Variants in ENTREP3 observed in about 807,000 individuals in gnomAD.
ENTREP3 encodes endosomal transmembrane epsin interactor 3.
the ENTREP3 span, chr1:155,254,104 C>A: frequency 6.2e-7 from 1 of 1,614,116 alleles, no homozygotes; most frequent in Non-Finnish European, 8.5e-7. The surrounding 1 kb of genome is among the most constrained non-coding windows in gnomAD (Gnocchi z 4.4). Flanking sequence ...TGTTGGAAGT[C>A]TCGGGCCAGT....
the ENTREP3 span, chr1:155,250,484 G>C: frequency 6.7e-7 from 1 of 1,484,590 alleles, no homozygotes. The surrounding 1 kb of genome is among the most constrained non-coding windows in gnomAD (Gnocchi z 5.4). Context: ...CGGGGAAGCA[G>C]GGTCCCACCC....
the ENTREP3 span, chr1:155,251,871 C>T: frequency 6.7e-7 from 1 of 1,499,890 alleles, no homozygotes; most frequent in Non-Finnish European, 8.9e-7. Context: ...GCCCAGAGGT[C>T]CCAGTGGGCC....
chr1:155,254,052 G>C, the ENTREP3 span: 1 of 1,613,752 alleles, frequency 6.2e-7, no homozygotes, highest in Non-Finnish European at 8.5e-7. The surrounding 1 kb of genome is among the most constrained non-coding windows in gnomAD (Gnocchi z 4.4). Flanking sequence ...CCCCCAGCCA[G>C]TTCTTTCCAG....
chr1:155,251,837 A>C, the ENTREP3 span: 1 of 1,544,090 alleles, frequency 6.5e-7, no homozygotes, highest in African/African-American at 1.4e-5. Context: ...TGTGTAGGAG[A>C]GGGGCTGGGG....
the ENTREP3 span, chr1:155,252,859 G>C: frequency 6.9e-6 from 1 of 144,416 alleles, no homozygotes; most frequent in African/African-American, 2.6e-5. Context: ...AGACTCCCAA[G>C]TAGCTGGGAT....
chr1:155,253,891 A>G, the ENTREP3 span: 2 of 1,612,720 alleles, frequency 1.2e-6, no homozygotes, highest in Non-Finnish European at 1.7e-6. Flanking sequence ...TCACAGGTGG[A>G]GTTAGGGGCA....
chr1:155,248,954 G>A, the ENTREP3 span, among the ~76,000 whole-genome samples: 1 of 152,098 alleles, frequency 6.6e-6, no homozygotes, highest in Non-Finnish European at 1.5e-5. Context: ...GACCTCAGGT[G>A]ATCCACCTGC....
At chr1:155,254,899 G>A in the ENTREP3 span, 3 of 1,532,786 alleles carry the variant, frequency 2.0e-6, no homozygotes, top group African/African-American at 1.4e-5. The surrounding 1 kb of genome is among the most constrained non-coding windows in gnomAD (Gnocchi z 4.4). Context: ...GGTTGCCTGC[G>A]CCTCGCTCGG....
At chr1:155,251,923 A>T in the ENTREP3 span, 8 of 1,419,856 alleles carry the variant, frequency 5.6e-6, no homozygotes, top group Admixed American at 6.7e-5. Context: ...GGAAGCGAGC[A>T]GGTCAGCAAG....
At chr1:155,247,868 G>A in the ENTREP3 span, 145 of 1,528,390 alleles carry the variant, frequency 9.5e-5, no homozygotes, top group African/African-American at 1.6e-3. Flanking sequence ...GACAGGAGAC[G>A]CCGCAGGGAA....
At chr1:155,252,722 ATTTTTT>A in the ENTREP3 span, 9 of 13,200 alleles carry the variant, frequency 6.8e-4, no homozygotes, top group East Asian at 6.0e-3. Flanking sequence ...ATATATATAT[ATTTTTT>A]TTTTTTTTTT....
chr1:155,248,566 T>G, the ENTREP3 span: 3 of 1,069,532 alleles, frequency 2.8e-6, no homozygotes, highest in Non-Finnish European at 4.3e-6. Context: ...CAGAGGAGCT[T>G]TCACAGCTCC....
chr1:155,254,871 G>T, the ENTREP3 span: 11 of 1,565,182 alleles, frequency 7.0e-6, no homozygotes, highest in Non-Finnish European at 9.5e-6. The surrounding 1 kb of genome is among the most constrained non-coding windows in gnomAD (Gnocchi z 4.4). Flanking sequence ...CTAGGCGAGG[G>T]CATCATGCCT....
chr1:155,247,918 C>T, the ENTREP3 span: 3 of 1,594,056 alleles, frequency 1.9e-6, no homozygotes, highest in Middle Eastern at 1.7e-4. Flanking sequence ...AAGGTGGAGG[C>T]TCTCTCGGCC....
chr1:155,251,046 T>TA, the ENTREP3 span: 1 of 1,529,950 alleles, frequency 6.5e-7, no homozygotes, highest in African/African-American at 1.4e-5. Context: ...CCACCCCAGC[T>TA]ATCCCTGGCA....
the ENTREP3 span, chr1:155,250,283 A>C: frequency 6.5e-7 from 1 of 1,547,008 alleles, no homozygotes; most frequent in Non-Finnish European, 8.7e-7. The surrounding 1 kb of genome is among the most constrained non-coding windows in gnomAD (Gnocchi z 5.4). Flanking sequence ...CACCAGTGTC[A>C]CTGGAGGTCG....
At chr1:155,247,820 G>T in the ENTREP3 span, 1 of 1,477,264 alleles carries the variant, frequency 6.8e-7, no homozygotes, top group Non-Finnish European at 9.0e-7. Flanking sequence ...TTGAGGCTGA[G>T]GCTGTGGGGG....
At chr1:155,250,319 T>A in the ENTREP3 span, 1 of 1,531,710 alleles carries the variant, frequency 6.5e-7, no homozygotes, top group Non-Finnish European at 8.8e-7. This position sits in a 1 kb window ranked among gnomAD's most constrained non-coding sequence, Gnocchi z 5.4. Flanking sequence ...TGTGGGACCG[T>A]GGCAGCAGCA....
At chr1:155,253,658 G>T in the ENTREP3 span, 5 of 1,613,846 alleles carry the variant, frequency 3.1e-6, no homozygotes, top group Admixed American at 6.7e-5. Flanking sequence ...AGATTTGGAT[G>T]CAGCAGACAA....
Sources: gnomAD v4.1 joint callset for allele counts (sites outside exome capture counted in the v4.1 genomes callset) on GRCh38, gnomAD v4.1.1 for gene constraint, Gnocchi (gnomAD v3.1) non-coding constraint, MANE v1.5 for transcripts, NCBI Gene and HGNC (gene_info 2026-07-23, HGNC 2026-07-21) for gene names.